The following MCTP2 variants were observed in gnomAD, a reference collection of about 807,000 sequenced individuals.
The protein encoded by MCTP2 is multiple C2 and transmembrane domain-containing protein 2.
Under a neutral mutation model 111.6 loss-of-function variants are expected in MCTP2, and 132 were observed. The observed-to-expected ratio is 1.18, with a 90% CI of 1.03 to 1.37. MCTP2 has a LOEUF of 1.37. Ranked by LOEUF, MCTP2 falls within the 40% of genes most tolerant of loss-of-function variation. The probability of loss-of-function intolerance (pLI) is 0.00; values close to 1 mark genes in which losing one functional copy is unlikely to be tolerated. For missense variants in MCTP2, 1,183 were observed against 1,067.9 expected (o/e 1.11, Z -1.50); for synonymous variants, 395 against 387.7 (o/e 1.02, Z -0.22).
intron 20 of MCTP2, among the ~76,000 whole-genome samples, chr15:94,467,266 G>GA (rs1180729819): frequency 6.6e-6 from 1 of 152,042 alleles, no homozygotes; most frequent in Non-Finnish European, 1.5e-5. Context: ...CTTCCAGGGT[G>GA]AAAAAAGAGT....
intron 4 of MCTP2, among the ~76,000 whole-genome samples, chr15:94,336,618 A>G (rs2077372279): frequency 1.3e-5 from 2 of 151,724 alleles, no homozygotes; most frequent in East Asian, 3.9e-4. Flanking sequence ...GGTCGTTAGG[A>G]AGGGAAGTGG....
chr15:94,451,030 TAAGA>T, intron 19 of MCTP2, among the ~76,000 whole-genome samples: 1 of 152,332 alleles, frequency 6.6e-6, no homozygotes, highest in South Asian at 2.1e-4. Context: ...AACAAGGCCT[TAAGA>T]AAGGAAAGAT....
intron 10 of MCTP2, among the ~76,000 whole-genome samples, chr15:94,366,347 A>G (rs1159753815): frequency 6.6e-6 from 1 of 152,230 alleles, no homozygotes; most frequent in African/African-American, 2.4e-5. Context: ...AATAGGAAAT[A>G]AATGCCCAGT....
At chr15:94,306,196 T>G (rs539275364) in intron 2 of MCTP2, among the ~76,000 whole-genome samples, 1 of 152,150 alleles carries the variant, frequency 6.6e-6, no homozygotes, top group African/African-American at 2.4e-5. Flanking sequence ...AAGACTTAGA[T>G]AGGCAGAGAG....
chr15:94,245,065 C>T (rs904193522), intron 1 of MCTP2, among the ~76,000 whole-genome samples: 4 of 147,276 alleles, frequency 2.7e-5, no homozygotes, highest in Non-Finnish European at 3.0e-5. Context: ...TACATATGTA[C>T]CTGTTTACGT....
chr15:94,308,678 G>T (rs1367954555), intron 2 of MCTP2, among the ~76,000 whole-genome samples: 4 of 152,082 alleles, frequency 2.6e-5, no homozygotes, highest in African/African-American at 9.7e-5. Flanking sequence ...TACTAAATAT[G>T]CAGAGTTTTA....
chr15:94,266,468 A>G (rs1433554626), intron 1 of MCTP2, among the ~76,000 whole-genome samples: 3 of 151,192 alleles, frequency 2.0e-5, no homozygotes, highest in Non-Finnish European at 4.4e-5. Flanking sequence ...TCTTGGCTCA[A>G]TAAATATTGC....
At chr15:94,430,117 G>A (rs549617967) in intron 17 of MCTP2, among the ~76,000 whole-genome samples, 12 of 152,254 alleles carry the variant, frequency 7.9e-5, no homozygotes, top group Admixed American at 5.2e-4. Flanking sequence ...GATGAAATAT[G>A]TGTTGTCTCT....
At chr15:94,236,542 GA>G (rs1003837183) in intron 1 of MCTP2, among the ~76,000 whole-genome samples, 12 of 151,654 alleles carry the variant, frequency 7.9e-5, no homozygotes, top group African/African-American at 2.9e-4. Flanking sequence ...TTCCCCTCTA[GA>G]AAAAAATGTT....
chr15:94,267,154 C>A (rs1401227767), intron 1 of MCTP2, among the ~76,000 whole-genome samples: 1 of 152,198 alleles, frequency 6.6e-6, no homozygotes, highest in Non-Finnish European at 1.5e-5. Flanking sequence ...AGTCTTGTCA[C>A]CACTGCCGCA....
At chr15:94,243,112 T>A (rs1294525064) in intron 1 of MCTP2, among the ~76,000 whole-genome samples, 1 of 143,926 alleles carries the variant, frequency 6.9e-6, no homozygotes, top group Non-Finnish European at 1.5e-5. Context: ...TATCTACGGG[T>A]GTGTATATAT....
chr15:94,243,874 T>C (rs1331009798), intron 1 of MCTP2, among the ~76,000 whole-genome samples: 1 of 148,412 alleles, frequency 6.7e-6, no homozygotes, highest in Non-Finnish European at 1.5e-5. Context: ...CATATGTGTA[T>C]ATATTTATGT....
In MCTP2 at chr15:94,364,664, G is replaced by A. The variant is rs2079097582; in HGVS notation, c.1302-2941G>A. ...GTCATTTGATATTTCTCTTTTGGGA[G>A]GTTGGATGAATATTTTGGTTAACAT... On this transcript the variant is annotated intron_variant, in intron 10 of 22. Coordinates refer to ENST00000357742, the MANE Select transcript of MCTP2 (RefSeq NM_001385001.1). Among the ~76,000 whole-genome samples the A allele has an allele frequency of 2.0e-5, 3 of 152,158 alleles. No homozygotes were observed. The South Asian group carries it at 6.2e-4, about 32-fold the overall frequency.
chr15:94,272,647 G>C (rs981077078), intron 1 of MCTP2, among the ~76,000 whole-genome samples: 1 of 152,108 alleles, frequency 6.6e-6, no homozygotes, highest in African/African-American at 2.4e-5. Flanking sequence ...AACAGCACTT[G>C]AGACTGTTGA....
intron 17 of MCTP2, among the ~76,000 whole-genome samples, chr15:94,426,860 C>T (rs758195899): frequency 1.3e-5 from 2 of 152,150 alleles, no homozygotes; most frequent in Non-Finnish European, 2.9e-5. Context: ...GGATTCCAGG[C>T]ATCTTAAGGA....
chr15:94,323,003 C>T (rs1042014838), intron 4 of MCTP2, among the ~76,000 whole-genome samples: 1 of 152,116 alleles, frequency 6.6e-6, no homozygotes, highest in African/African-American at 2.4e-5. Context: ...ATGCCGTCAG[C>T]GAGAGGCTGG....
intron 19 of MCTP2, among the ~76,000 whole-genome samples, chr15:94,457,052 C>A (rs1319020559): frequency 6.6e-6 from 1 of 152,128 alleles, no homozygotes; most frequent in Non-Finnish European, 1.5e-5. Flanking sequence ...CAGGAATGTC[C>A]TCTTAAATTT....
intron 2 of MCTP2, among the ~76,000 whole-genome samples, chr15:94,309,348 T>C (rs1228299189): frequency 6.6e-6 from 1 of 152,270 alleles, no homozygotes. Context: ...ATATGCAGTA[T>C]GTATACATTT....
rs117867468 is a variant in MCTP2, at chr15:94,401,892, A to T, written c.1966-8A>T. 0.028 allele frequency: 44,376 copies of T among 1,596,872 alleles called. 756 individuals carry two copies. Among genetic ancestry groups the T allele is most frequent in the Middle Eastern group, 0.036 (217 of 5,980 alleles). On this transcript the variant is annotated splice_region_variant and splice_polypyrimidine_tract_variant and intron_variant, in intron 16 of 22. Transcript: ENST00000357742. ...TCTAGTTTCCTGTTTGTCATTTTTTAAAATCAGATCTTATCAAGAGATGTG... is the reference window on the plus strand; with the variant it reads ...TCTAGTTTCCTGTTTGTCATTTTTTTAAATCAGATCTTATCAAGAGATGTG...
Sources: allele counts gnomAD v4.1 joint callset (sites outside exome capture counted in the v4.1 genomes callset), GRCh38; gene constraint gnomAD v4.1.1; transcripts MANE v1.5; gene names NCBI Gene and HGNC (gene_info 2026-07-23, HGNC 2026-07-21).